TMEM45A: variants seen among roughly 807,000 people sequenced by gnomAD.
TMEM45A encodes DNA polymerase-transactivated protein 4.
A neutral mutation model predicts 32.0 loss-of-function variants in TMEM45A; 25 were observed. That is an observed-to-expected ratio of 0.78 (90% CI 0.57 to 1.09). The LOEUF (loss-of-function observed/expected upper bound fraction) is 1.09, where lower values mean the gene tolerates loss of function less well. Ranked by LOEUF, TMEM45A falls within the 50% of genes least tolerant of loss-of-function variation. The probability of loss-of-function intolerance (pLI) is 0.00; values close to 1 mark genes in which losing one functional copy is unlikely to be tolerated. For synonymous variants in TMEM45A, 122 were observed against 114.8 expected (o/e 1.06, Z -0.40); for missense variants, 302 against 325.0 (o/e 0.93, Z 0.54).
At chr3:100,538,516 C>T (rs1233755804) in intron 1 of TMEM45A, among the ~76,000 whole-genome samples, 2 of 152,110 alleles carry the variant, frequency 1.3e-5, no homozygotes, top group East Asian at 1.9e-4. Flanking sequence ...CAAAATGTCC[C>T]GTGTCATCAC....
intron 1 of TMEM45A, among the ~76,000 whole-genome samples, chr3:100,500,867 A>G (rs1708000138): frequency 2.0e-5 from 3 of 152,288 alleles, no homozygotes; most frequent in Admixed American, 6.5e-5. Context: ...ACCTTTCTCC[A>G]GAATTCCTGG....
intron 1 of TMEM45A, among the ~76,000 whole-genome samples, chr3:100,526,810 C>T (rs1263992459): frequency 3.3e-5 from 5 of 152,112 alleles, no homozygotes; most frequent in Non-Finnish European, 7.4e-5. Context: ...TCTTAGAGTC[C>T]CCTAAGTAAT....
chr3:100,509,328 G>A (rs2148934154), intron 1 of TMEM45A, among the ~76,000 whole-genome samples: 1 of 152,324 alleles, frequency 6.6e-6, no homozygotes, highest in Non-Finnish European at 1.5e-5. Context: ...CTTACACATT[G>A]TTGGTGAGAA....
chr3:100,493,712 A>G (rs1161757870), intron 1 of TMEM45A, among the ~76,000 whole-genome samples: 1 of 151,966 alleles, frequency 6.6e-6, no homozygotes, highest in East Asian at 1.9e-4. Flanking sequence ...TATACGCTAT[A>G]TATTTTGTTG....
rs1238063757 is a variant in TMEM45A at position 100,558,560 on chromosome 3, A to T, written c.559A>T (p.Ile187Phe). The T allele has an allele frequency of 3.7e-6, 6 of 1,614,080 alleles. No homozygotes were observed. The highest frequency in any genetic ancestry group is 1.1e-5 in the South Asian group (1 of 91,078). The change falls in exon 4 of 6, where the codon ATT (isoleucine) becomes TTT (phenylalanine). Residue 187 changes from isoleucine (I) to phenylalanine (F), a missense_variant. Coordinates refer to ENST00000323523, the MANE Select transcript of TMEM45A (RefSeq NM_018004.3). Reference sequence around the variant, plus strand: ...TCTGGAGCTATTGCGGTCAAGTCTCATTCTGCTTCAGGGGAGCTGGTTCTT... The same window carrying T: ...TCTGGAGCTATTGCGGTCAAGTCTCTTTCTGCTTCAGGGGAGCTGGTTCTT... ...VLLELLRSSL[I>F]LLQGSWFFQI...
intron 5 of TMEM45A, among the ~76,000 whole-genome samples, chr3:100,569,247 T>C (rs1325955939): frequency 6.6e-6 from 1 of 152,220 alleles, no homozygotes; most frequent in African/African-American, 2.4e-5. Flanking sequence ...ACATATGCTA[T>C]TTCCTCTTCT....
chr3:100,513,859 A>G lies in TMEM45A; in HGVS notation c.-4+20931A>G, dbSNP rs1323914730. Among the ~76,000 whole-genome samples the G allele has an allele frequency of 4.2e-3, 633 of 151,224 alleles. 2 individuals carry two copies. Among genetic ancestry groups the G allele is most frequent in the African/African-American group, 0.015 (596 of 40,560 alleles). On this transcript the variant is annotated intron_variant, in intron 1 of 5. Coordinates refer to ENST00000323523, the MANE Select transcript of TMEM45A (RefSeq NM_018004.3). Reference sequence around the variant, plus strand: ...AGACAAACAGAGAGCCAAATCATGAATTAACTCCCATTCACAATTGCTTCA... The same window carrying G: ...AGACAAACAGAGAGCCAAATCATGAGTTAACTCCCATTCACAATTGCTTCA...
intron 1 of TMEM45A, among the ~76,000 whole-genome samples, chr3:100,553,446 G>A (rs932079760): frequency 6.6e-6 from 1 of 152,052 alleles, no homozygotes; most frequent in African/African-American, 2.4e-5. Flanking sequence ...TGGGCTTCCT[G>A]TACTAAGAAA....
At chr3:100,515,639 AAAAAAG>A (rs1172480678) in intron 1 of TMEM45A, among the ~76,000 whole-genome samples, 9 of 151,994 alleles carry the variant, frequency 5.9e-5, no homozygotes, top group African/African-American at 2.2e-4. Context: ...AATAAAAAAA[AAAAAAG>A]AAAAGAACTA....
chr3:100,573,666 C>T (rs890290416), intron 5 of TMEM45A: 21 of 152,258 alleles, frequency 1.4e-4, no homozygotes, highest in African/African-American at 4.1e-4. Context: ...GAGAGGGCAT[C>T]CCTGTCTTGT....
intron 1 of TMEM45A, among the ~76,000 whole-genome samples, chr3:100,548,317 T>G (rs1163076688): frequency 6.6e-6 from 1 of 152,204 alleles, no homozygotes; most frequent in Admixed American, 6.5e-5. Flanking sequence ...GATGCTACTC[T>G]GTTTGTCTCC....
intron 1 of TMEM45A, among the ~76,000 whole-genome samples, chr3:100,547,000 C>T (rs529115976): frequency 1.8e-4 from 27 of 152,190 alleles, no homozygotes; most frequent in African/African-American, 6.0e-4. Context: ...TCTGGCCACC[C>T]CTTGCAGTAA....
intron 1 of TMEM45A, among the ~76,000 whole-genome samples, chr3:100,543,399 A>G (rs1208239250): frequency 1.3e-5 from 2 of 152,158 alleles, no homozygotes; most frequent in Non-Finnish European, 2.9e-5. Context: ...TCATATGTGC[A>G]TTTTCAACTG....
At chr3:100,571,932 TC>T (rs1258492263) in intron 5 of TMEM45A, 3 of 152,266 alleles carry the variant, frequency 2.0e-5, no homozygotes, top group Admixed American at 2.0e-4. Context: ...CATGAACTCA[TC>T]ATTTTTTATG....
intron 1 of TMEM45A, among the ~76,000 whole-genome samples, chr3:100,493,764 T>C (rs560425366): frequency 6.6e-6 from 1 of 152,310 alleles, no homozygotes; most frequent in South Asian, 2.1e-4. Context: ...AGAGTCTCAC[T>C]CTTGTCGCCA....
At chr3:100,515,589 T>C (rs1483787355) in intron 1 of TMEM45A, among the ~76,000 whole-genome samples, 2 of 150,626 alleles carry the variant, frequency 1.3e-5, no homozygotes, top group Non-Finnish European at 3.0e-5. Context: ...GTAACTAACC[T>C]GCACATTGTG....
intron 1 of TMEM45A, among the ~76,000 whole-genome samples, chr3:100,499,410 T>C (rs932736629): frequency 3.9e-5 from 6 of 152,252 alleles, no homozygotes; most frequent in African/African-American, 1.2e-4. Flanking sequence ...TTCTTTTGCA[T>C]GTGGATAGTT....
chr3:100,504,553 A>G (rs976530351), intron 1 of TMEM45A, among the ~76,000 whole-genome samples: 1 of 152,160 alleles, frequency 6.6e-6, no homozygotes, highest in African/African-American at 2.4e-5. Flanking sequence ...TTAAAATAAA[A>G]TCCAGATATT....
At chr3:100,566,226 A>G (rs1262185951) in intron 4 of TMEM45A, among the ~76,000 whole-genome samples, 1 of 152,162 alleles carries the variant, frequency 6.6e-6, no homozygotes, top group African/African-American at 2.4e-5. Flanking sequence ...TCTACTATGA[A>G]CACTCATGTA....
Sources: gnomAD v4.1 joint callset for allele counts (sites outside exome capture counted in the v4.1 genomes callset) on GRCh38, gnomAD v4.1.1 for gene constraint, MANE v1.5 for transcripts, NCBI Gene and HGNC (gene_info 2026-07-23, HGNC 2026-07-21) for gene names.